The following SLC25A15 variants were observed in gnomAD, a reference collection of about 807,000 sequenced individuals.
SLC25A15 encodes the protein solute carrier family 25 member 15.
Under a neutral mutation model 32.3 loss-of-function variants are expected in SLC25A15, and 24 were observed. The ratio of observed to expected loss-of-function variants is 0.74; its 90% CI spans 0.54 to 1.04. The LOEUF (loss-of-function observed/expected upper bound fraction) is 1.04, where lower values mean the gene tolerates loss of function less well. Among genes scored for constraint, SLC25A15 ranks in the 50% least tolerant of loss-of-function variants. SLC25A15 has a pLI of 0.00. For missense variants in SLC25A15, 317 were observed against 374.5 expected, an observed-to-expected ratio of 0.85 and a Z score of 1.27; for synonymous variants, 132 against 142.1, an observed-to-expected ratio of 0.93 and a Z score of 0.51.
In SLC25A15 at chr13:40,809,618, C is replaced by T; in HGVS notation, c.857C>T (p.Ala286Val). 1 of 1,612,532 alleles carries T rather than the reference C, an allele frequency of 6.2e-7. No individual in the cohort carries two copies. The highest frequency in any genetic ancestry group is 8.5e-7 in the Non-Finnish European group (1 of 1,179,826). The change falls in exon 7 of 7, where the codon GCC (alanine) becomes GTC (valine). Residue 286 changes from alanine (A) to valine (V), a missense_variant. Ala to Val is a moderately conservative substitution (Grantham distance 64). Transcript: ENST00000338625. ...CCTGCCAATGGAGCACTCTTTTTGG[C>T]CTACGAATATAGCAGGAAGTTGATG... ...AFPANGALFL[A>V]YEYSRKLMMN...
chr13:40,794,713 T>C (rs1040269549), intron 2 of SLC25A15, among the ~76,000 whole-genome samples: 19 of 152,126 alleles, frequency 1.2e-4, no homozygotes, highest in Admixed American at 1.1e-3. Flanking sequence ...TCCCGCAGGA[T>C]TCTCATAGTA....
chr13:40,811,478 G>T lies in SLC25A15; in HGVS notation c.*1811G>T, dbSNP rs1418978047. 1.3e-5 allele frequency among the ~76,000 whole-genome samples: 2 copies of T among 151,330 alleles called. No homozygotes were observed. The highest frequency in any genetic ancestry group is 4.9e-5 in the African/African-American group (2 of 41,124). On this transcript the variant is annotated 3_prime_UTR_variant, in exon 7 of 7. Transcript: ENST00000338625. ...CACTCCAGACTGGGTGACACAGCGA[G>T]ACTTCATCTCAAAAAAAAAAAGAAA...
chr13:40,806,758 G>T (rs1882196609), intron 4 of SLC25A15, among the ~76,000 whole-genome samples: 1 of 152,192 alleles, frequency 6.6e-6, no homozygotes, highest in Non-Finnish European at 1.5e-5. Context: ...GGATAAACCT[G>T]CCCTGGTTGC....
In SLC25A15 at chr13:40,807,352, CAT is replaced by C; in HGVS notation, c.512_513del (p.His171ArgfsTer21). ...GAAAGATGGCCCCTTGGGGTTCTACCATGGACTCTCAAGCACTTTACTTCGAG... is the reference window on the plus strand; with the variant it reads ...GAAAGATGGCCCCTTGGGGTTCTACCGGACTCTCAAGCACTTTACTTCGAG... ...LRKDGPLGFYHGLSSTLLREV... is the reference protein window; with the variant it reads ...LRKDGPLGFYXGLSSTLLREV... On this transcript the variant is annotated frameshift_variant, in exon 5 of 7. Transcript: ENST00000338625. LOFTEE classifies it high-confidence loss of function. The C allele has an allele frequency of 3.7e-6, 6 of 1,614,094 alleles. No homozygotes were observed. Among genetic ancestry groups the C allele is most frequent in the Non-Finnish European group, 5.1e-6 (6 of 1,179,978 alleles).
chr13:40,803,493 C>T (rs557340996), intron 3 of SLC25A15, among the ~76,000 whole-genome samples: 1 of 152,324 alleles, frequency 6.6e-6, no homozygotes, highest in African/African-American at 2.4e-5. Flanking sequence ...CTGGCCTCCC[C>T]ATATTCTTGA....
At chr13:40,801,354 C>T (rs768037431) in intron 3 of SLC25A15, among the ~76,000 whole-genome samples, 41 of 151,320 alleles carry the variant, frequency 2.7e-4, no homozygotes, top group Non-Finnish European at 5.3e-4. Flanking sequence ...TTGCCTCTTA[C>T]CTGTTGGGGA....
At position 40,799,056 on chromosome 13, in the gene SLC25A15, G is replaced by A. The variant is rs1224359023; in HGVS notation, c.56-1G>A. 6.2e-7 allele frequency: 1 copy of A among 1,614,212 alleles called. No individual in the cohort carries two copies. Among genetic ancestry groups the A allele is most frequent in the Admixed American group, 1.7e-5 (1 of 60,028 alleles). On this transcript the variant is annotated splice_acceptor_variant, in intron 2 of 6. Transcript: ENST00000338625. LOFTEE classifies it high-confidence loss of function. ...AGAGCAGTCATCTGTCCTGATTGCA[G>A]GAGGTACAGCATGTGTACTGACCGG...
chr13:40,791,301 T>TTTTA (rs58686711), intron 1 of SLC25A15, among the ~76,000 whole-genome samples: 64,098 of 140,370 alleles, frequency 0.46, 16,399 homozygotes, highest in Non-Finnish European at 0.56. Flanking sequence ...CTGATAAACT[T>TTTTA]TTTATTTATT....
intron 6 of SLC25A15, among the ~76,000 whole-genome samples, 200 bp from the exon 7 acceptor site, chr13:40,809,343 G>A (rs1271744017): frequency 1.3e-5 from 2 of 152,210 alleles, no homozygotes; most frequent in East Asian, 3.9e-4. Context: ...GCATCAGTCA[G>A]TTTTGCCAGG....
At position 40,812,264 on chromosome 13, in the gene SLC25A15, TAGAA is replaced by T. The variant is rs776345416; in HGVS notation, c.*2601_*2604del. 5.9e-5 allele frequency among the ~76,000 whole-genome samples: 9 copies of T among 152,166 alleles called. No individual in the cohort carries two copies. The highest frequency in any genetic ancestry group is 1.0e-4 in the Non-Finnish European group (7 of 68,030). ...TAGAGATTTAACTAGATATGTTCAA[TAGAA>T]AGAGTCTGAGGCAAGTGGAAATGAG... On this transcript the variant is annotated 3_prime_UTR_variant, in exon 7 of 7. Transcript: ENST00000338625.
intron 4 of SLC25A15, among the ~76,000 whole-genome samples, chr13:40,805,992 C>T (rs1359855116): frequency 6.6e-6 from 1 of 152,150 alleles, no homozygotes; most frequent in Middle Eastern, 3.2e-3. Flanking sequence ...AACTCAAAGC[C>T]TATAAATCTG....
Position 40,812,014 on chromosome 13 carries a change from C to CTT in SLC25A15, c.*2349_*2350dup, listed in dbSNP as rs1882475806. On this transcript the variant is annotated 3_prime_UTR_variant, in exon 7 of 7. Transcript: ENST00000338625. ...ATGGCTGGTCTTCCATTTGCTTTTT[C>CTT]TTTAAGTGAAAACCATTTTTCTACT... Among the ~76,000 whole-genome samples the CTT allele has an allele frequency of 1.3e-5, 2 of 152,194 alleles. No homozygotes were observed. The highest frequency in any genetic ancestry group is 1.3e-4 in the Admixed American group (2 of 15,284).
chr13:40,799,581 T>G (rs952727334), intron 3 of SLC25A15, among the ~76,000 whole-genome samples: 1 of 152,252 alleles, frequency 6.6e-6, no homozygotes, highest in Non-Finnish European at 1.5e-5. Flanking sequence ...TAAAAATAAC[T>G]GCTTTCCTTT....
In SLC25A15 at chr13:40,811,258, A is replaced by G. The variant is rs1305153532; in HGVS notation, c.*1591A>G. Among the ~76,000 whole-genome samples, 2 of 152,212 alleles carry G rather than the reference A, an allele frequency of 1.3e-5. No homozygotes were observed. The highest frequency in any genetic ancestry group is 2.9e-5 in the Non-Finnish European group (2 of 68,032). ...ATAATCCCAGCACTTTGGGAGGCTGAGGCGGGCGGGTCACAAGGTCAGGAG... is the reference window on the plus strand; with the variant it reads ...ATAATCCCAGCACTTTGGGAGGCTGGGGCGGGCGGGTCACAAGGTCAGGAG... On this transcript the variant is annotated 3_prime_UTR_variant, in exon 7 of 7. Coordinates refer to ENST00000338625, the MANE Select transcript of SLC25A15 (RefSeq NM_014252.4).
At chr13:40,809,502 G>A (rs1882353737) in intron 6 of SLC25A15, 41 bp from the exon 7 acceptor site, 1 of 1,611,780 alleles carries the variant, frequency 6.2e-7, no homozygotes, top group Non-Finnish European at 8.5e-7. Flanking sequence ...ATCCCCAAAG[G>A]AGGGATTGTT....
chr13:40,794,469 C>G (rs1339558338), intron 2 of SLC25A15, among the ~76,000 whole-genome samples: 3 of 152,206 alleles, frequency 2.0e-5, no homozygotes, highest in Admixed American at 6.5e-5. Flanking sequence ...GCCCAAGAGC[C>G]TGAGGCTCCC....
chr13:40,804,181 A>G (rs571317025), intron 3 of SLC25A15, among the ~76,000 whole-genome samples: 9 of 152,254 alleles, frequency 5.9e-5, no homozygotes, highest in African/African-American at 9.6e-5. Context: ...GTGTCCTCAT[A>G]TGGCAGAGAG....
chr13:40,798,506 G>A (rs1881747331), intron 2 of SLC25A15, among the ~76,000 whole-genome samples: 3 of 152,110 alleles, frequency 2.0e-5, no homozygotes, highest in African/African-American at 7.2e-5. Flanking sequence ...CCGTGGTGCC[G>A]GGTCTGATCA....
chr13:40,801,985 A>G (rs1234691809), intron 3 of SLC25A15: 1 of 152,374 alleles, frequency 6.6e-6, no homozygotes, highest in East Asian at 1.9e-4. Flanking sequence ...TCCTTGCACT[A>G]TAATAATGTG....
Sources: allele counts gnomAD v4.1 joint callset (sites outside exome capture counted in the v4.1 genomes callset), GRCh38; gene constraint gnomAD v4.1.1; transcripts MANE v1.5; gene names NCBI Gene and HGNC (gene_info 2026-07-23, HGNC 2026-07-21).